KSR2: variants seen among roughly 807,000 people sequenced by gnomAD.
The protein encoded by KSR2 is kinase suppressor of ras 2.
In KSR2, 25 loss-of-function variants were observed where a neutral mutation model predicts 107.8. The ratio of observed to expected loss-of-function variants is 0.23; its 90% CI spans 0.17 to 0.32. KSR2 has a LOEUF of 0.32. Among genes scored for constraint, KSR2 ranks in the 10% least tolerant of loss-of-function variants. The probability of loss-of-function intolerance (pLI) is 1.00; values close to 1 mark genes in which losing one functional copy is unlikely to be tolerated. For missense variants in KSR2, 887 were observed against 1,268.9 expected (o/e 0.70, Z 4.57); for synonymous variants, 480 against 507.0 (o/e 0.95, Z 0.71).
intron 3 of KSR2, among the ~76,000 whole-genome samples, chr12:117,847,751 G>A (rs1892755448): frequency 1.3e-5 from 2 of 152,098 alleles, no homozygotes; most frequent in South Asian, 4.1e-4. Flanking sequence ...ATCCCCACTG[G>A]GCACCCATAC....
At chr12:117,541,669 C>G (rs768457090) in intron 9 of KSR2, among the ~76,000 whole-genome samples, 7 of 152,006 alleles carry the variant, frequency 4.6e-5, no homozygotes, top group Non-Finnish European at 8.8e-5. Context: ...AACAGGTATG[C>G]TTATCTGCCA....
intron 4 of KSR2, among the ~76,000 whole-genome samples, chr12:117,707,481 G>T (rs1475557027): frequency 6.6e-6 from 1 of 152,184 alleles, no homozygotes; most frequent in Non-Finnish European, 1.5e-5. Flanking sequence ...GACAGCCAGG[G>T]TTCAAAGCTG....
chr12:117,812,842 C>CA (rs3073170), intron 3 of KSR2, among the ~76,000 whole-genome samples: 14,092 of 95,770 alleles, frequency 0.15, 1,180 homozygotes, highest in East Asian at 0.36. Flanking sequence ...CCCAAATAGC[C>CA]AAAAAAAAAA....
chr12:117,884,697 CAAGT>C (rs1894121655), intron 1 of KSR2, among the ~76,000 whole-genome samples: 1 of 152,180 alleles, frequency 6.6e-6, no homozygotes, highest in African/African-American at 2.4e-5. Flanking sequence ...ATTACAAACT[CAAGT>C]TAGATGTCCT....
At chr12:117,561,779 C>A (rs1158805724) in intron 7 of KSR2, among the ~76,000 whole-genome samples, 1 of 152,276 alleles carries the variant, frequency 6.6e-6, no homozygotes, top group African/African-American at 2.4e-5. Context: ...TTGTCTATTC[C>A]TTTTCTAAGA....
chr12:117,953,154 C>T (rs1896413744), intron 1 of KSR2, among the ~76,000 whole-genome samples: 1 of 152,062 alleles, frequency 6.6e-6, no homozygotes, highest in African/African-American at 2.4e-5. Context: ...ACTTCACACC[C>T]ACCAGGATAG....
intron 1 of KSR2, among the ~76,000 whole-genome samples, chr12:117,867,522 T>G (rs1893514214): frequency 6.6e-6 from 1 of 152,174 alleles, no homozygotes; most frequent in Non-Finnish European, 1.5e-5. Context: ...TGTCCACGCC[T>G]TTTCAATGAC....
intron 5 of KSR2, among the ~76,000 whole-genome samples, chr12:117,654,568 C>A (rs1005494621): frequency 3.3e-5 from 5 of 152,174 alleles, no homozygotes; most frequent in Non-Finnish European, 7.3e-5. Flanking sequence ...AGCAGTGCAC[C>A]TGGTTGTGGA....
intron 5 of KSR2, among the ~76,000 whole-genome samples, chr12:117,641,753 A>C (rs1255622416): frequency 2.0e-5 from 3 of 152,180 alleles, no homozygotes. Flanking sequence ...CTTACCTGTC[A>C]GGTAGCAGAA....
intron 7 of KSR2, 133 bp downstream of exon 7, chr12:117,578,986 T>C: frequency 1.4e-6 from 1 of 706,260 alleles, no homozygotes; most frequent in Non-Finnish European, 2.5e-6. Flanking sequence ...ATTTCCAATC[T>C]ATTTCTGAAA....
intron 1 of KSR2, among the ~76,000 whole-genome samples, chr12:117,930,104 A>G (rs57110342): frequency 0.045 from 6,858 of 152,064 alleles, 291 homozygotes; most frequent in Middle Eastern, 0.12. Context: ...GAGGGCCTCA[A>G]CTCACTGCAA....
chr12:117,527,458 A>C (rs543932788), intron 12 of KSR2, among the ~76,000 whole-genome samples: 1 of 152,182 alleles, frequency 6.6e-6, no homozygotes, highest in Non-Finnish European at 1.5e-5. Context: ...CTTATCTAGC[A>C]GCTTTCTTAT....
intron 5 of KSR2, among the ~76,000 whole-genome samples, chr12:117,634,402 T>C (rs896798093): frequency 2.0e-5 from 3 of 152,152 alleles, no homozygotes; most frequent in Non-Finnish European, 2.9e-5. Context: ...TGAAAGCCCC[T>C]GAGTCTACCT....
intron 3 of KSR2, among the ~76,000 whole-genome samples, chr12:117,795,986 G>A (rs527792315): frequency 2.0e-5 from 3 of 152,214 alleles, no homozygotes; most frequent in Non-Finnish European, 4.4e-5. Flanking sequence ...AAGTGCAGTG[G>A]TATGAACACA....
intron 4 of KSR2, among the ~76,000 whole-genome samples, chr12:117,738,854 G>A (rs1010590841): frequency 1.3e-5 from 2 of 152,104 alleles, no homozygotes; most frequent in East Asian, 3.9e-4. Context: ...CGGCCTGGGC[G>A]ACAGAGACTC....
At chr12:117,775,934 C>T (rs1206292851) in intron 3 of KSR2, among the ~76,000 whole-genome samples, 16 of 152,014 alleles carry the variant, frequency 1.1e-4, no homozygotes, top group Admixed American at 9.2e-4. Context: ...GGGAACCCAG[C>T]GGGGAAAAGT....
At chr12:117,743,107 G>C (rs1888282153) in intron 4 of KSR2, among the ~76,000 whole-genome samples, 2 of 152,238 alleles carry the variant, frequency 1.3e-5, no homozygotes, top group Non-Finnish European at 2.9e-5. Flanking sequence ...ACCAGGCCAA[G>C]GGCCTGCTGC....
In KSR2 at chr12:117,766,887, C is replaced by T. The variant is rs372287649; in HGVS notation, c.473-5363G>A. Among the ~76,000 whole-genome samples, 50 of 16,994 alleles carry T rather than the reference C, an allele frequency of 2.9e-3. 2 individuals are homozygous for T. The South Asian group carries it at 0.067, about 23-fold the overall frequency. The allele number at this position is 16,994 out of a possible 152,430, so 11.1% of individuals were successfully genotyped here. A position where few individuals can be genotyped will look rare whatever the true frequency, so the allele number is the denominator to read the frequency against. On this transcript the variant is annotated intron_variant, in intron 3 of 19. Coordinates refer to ENST00000339824, the MANE Select transcript of KSR2 (RefSeq NM_173598.6). ...GCTAGAGCTATTTTTCGGGATGGGG[C>T]GGGGGCGGGGTGGTGAGACAGAGTC... is the stretch of plus-strand genomic sequence containing the variant.
At chr12:117,573,549 A>C (rs1329911453) in intron 7 of KSR2, among the ~76,000 whole-genome samples, 1 of 119,484 alleles carries the variant, frequency 8.4e-6, no homozygotes, top group Non-Finnish European at 1.7e-5. Flanking sequence ...TTTTTTTGAG[A>C]TAGGGTCTCA....
Sources: gnomAD v4.1 joint callset for allele counts (sites outside exome capture counted in the v4.1 genomes callset) on GRCh38, gnomAD v4.1.1 for gene constraint, MANE v1.5 for transcripts, NCBI Gene and HGNC (gene_info 2026-07-23, HGNC 2026-07-21) for gene names.